The following MCC variants were observed in gnomAD, a reference collection of about 807,000 sequenced individuals.
MCC encodes the protein colorectal mutant cancer protein.
MCC carries 90 observed loss-of-function variants against 116.2 expected under a neutral mutation model. The observed-to-expected ratio is 0.77, with a 90% confidence interval of 0.65 to 0.92. The LOEUF is 0.92. MCC is among the 40% of genes least tolerant of loss of function. MCC has a pLI of 0.00. For synonymous variants in MCC, 578 were observed against 510.5 expected, an observed-to-expected ratio of 1.13 and a Z score of -1.78; for missense variants, 1,516 against 1,312.2, an observed-to-expected ratio of 1.16 and a Z score of -2.40.
chr5:113,027,556 A>ATGG, intron 18 of MCC, 74 bp from the exon 19 acceptor site: 1 of 1,353,316 alleles, frequency 7.4e-7, no homozygotes, highest in Non-Finnish European at 1.0e-6. Context: ...TGTCCACTGG[A>ATGG]TAACCAGATC....
Position 113,488,286 on chromosome 5 carries a change from G to A in MCC, c.129C>T (p.Leu43=). Residue 43 remains leucine (L), a synonymous_variant, in exon 1 of 19, where the codon CTC becomes CTT. Transcript: ENST00000408903. The part of the protein sequence containing the change: ...STGEEERMRR[L]FQTCDGDGDG... ...CCCCGTCGCCGTCGCACGTCTGGAA[G>A]AGGCGCCGCATCCTCTCCTCCTCGC... 6.3e-7 allele frequency: 1 copy of A among 1,595,506 alleles called. No homozygotes were observed.
chr5:113,399,237 G>C (rs549325189), intron 1 of MCC, among the ~76,000 whole-genome samples: 39 of 152,312 alleles, frequency 2.6e-4, no homozygotes, highest in African/African-American at 9.4e-4. Flanking sequence ...TGTAATCCCA[G>C]CACTTTGGGA....
chr5:113,335,722 A>G (rs1015595474), intron 3 of MCC, among the ~76,000 whole-genome samples: 2 of 151,638 alleles, frequency 1.3e-5, no homozygotes, highest in African/African-American at 4.9e-5. Flanking sequence ...GATTACACTG[A>G]GTTTTGCTGC....
intron 2 of MCC, among the ~76,000 whole-genome samples, chr5:113,347,402 G>T (rs1768161362): frequency 6.6e-6 from 1 of 151,028 alleles, no homozygotes; most frequent in Non-Finnish European, 1.5e-5. Context: ...GTTTGTTTAT[G>T]CAATCAGTGT....
chr5:113,389,482 C>A (rs890837476), intron 1 of MCC, among the ~76,000 whole-genome samples: 1 of 152,216 alleles, frequency 6.6e-6, no homozygotes, highest in African/African-American at 2.4e-5. Flanking sequence ...GCAGTCCTGG[C>A]AGCCTGCTCA....
intron 3 of MCC, among the ~76,000 whole-genome samples, chr5:113,297,797 G>C (rs1043485455): frequency 3.3e-5 from 5 of 151,406 alleles, no homozygotes; most frequent in Non-Finnish European, 7.4e-5. Flanking sequence ...GAAATAGGAG[G>C]GGACAGGCAG....
At chr5:113,198,037 C>G (rs375897266) in intron 3 of MCC, among the ~76,000 whole-genome samples, 1 of 152,242 alleles carries the variant, frequency 6.6e-6, no homozygotes, top group Non-Finnish European at 1.5e-5. Flanking sequence ...TGGCCAGCCA[C>G]GCTGTGAGCC....
intron 1 of MCC, among the ~76,000 whole-genome samples, chr5:113,456,893 A>C (rs972274733): frequency 5.3e-5 from 8 of 151,764 alleles, no homozygotes; most frequent in South Asian, 2.1e-4. Context: ...AGGATTTCAG[A>C]TTTTCAGATT....
At chr5:113,376,937 C>T (rs1769001408) in intron 2 of MCC, among the ~76,000 whole-genome samples, 3 of 152,108 alleles carry the variant, frequency 2.0e-5, no homozygotes, top group Non-Finnish European at 2.9e-5. Flanking sequence ...GAGACCAATT[C>T]CCAGGACTTC....
chr5:113,272,582 T>C (rs890811506), intron 3 of MCC, among the ~76,000 whole-genome samples: 1 of 152,214 alleles, frequency 6.6e-6, no homozygotes, highest in Non-Finnish European at 1.5e-5. Flanking sequence ...CAGTAATTTC[T>C]AATTATCAGG....
At chr5:113,427,877 T>C (rs1770525981) in intron 1 of MCC, among the ~76,000 whole-genome samples, 1 of 152,056 alleles carries the variant, frequency 6.6e-6, no homozygotes, top group Non-Finnish European at 1.5e-5. Flanking sequence ...CTTCATAACC[T>C]CTCTGCTAAT....
chr5:113,122,287 C>T (rs1418442355), intron 6 of MCC, among the ~76,000 whole-genome samples: 2 of 152,174 alleles, frequency 1.3e-5, no homozygotes, highest in African/African-American at 2.4e-5. Flanking sequence ...ATTTTGGATT[C>T]CTCCTTCTTG....
At chr5:113,338,170 C>A (rs1275969682) in intron 3 of MCC, among the ~76,000 whole-genome samples, 2 of 152,176 alleles carry the variant, frequency 1.3e-5, no homozygotes, top group South Asian at 4.1e-4. Context: ...ATAGTGTAAT[C>A]ATAGTCATAG....
At chr5:113,231,210 T>C (rs1763930551) in intron 3 of MCC, among the ~76,000 whole-genome samples, 1 of 152,168 alleles carries the variant, frequency 6.6e-6, no homozygotes. Context: ...CATTTCCCTA[T>C]TTCAGTGCTT....
chr5:113,031,378 G>T (rs1459163677), intron 17 of MCC, among the ~76,000 whole-genome samples: 1 of 152,094 alleles, frequency 6.6e-6, no homozygotes, highest in Non-Finnish European at 1.5e-5. Flanking sequence ...CAGTGAGGAT[G>T]GTGTTGCAGG....
Position 113,025,072 on chromosome 5 carries a change from CAG to C in MCC, c.*2228_*2229del, listed in dbSNP as rs1198122338. 1.3e-5 allele frequency: 2 copies of C among 151,748 alleles called. No individual in the cohort carries two copies. The highest frequency in any genetic ancestry group is 3.9e-4 in the East Asian group (2 of 5,160). 9.4% of individuals were successfully genotyped at this position (151,748 alleles called of 1,614,324 possible). A position where few individuals can be genotyped will look rare whatever the true frequency, so the allele number is the denominator to read the frequency against. The stretch of plus-strand genomic sequence containing the variant: ...ATTTTACCTGGAGCAAGAATGGAGA[CAG>C]AAGTCAGTAGGCAGGATTTTATTCC... On this transcript the variant is annotated 3_prime_UTR_variant, in exon 19 of 19. Coordinates refer to ENST00000408903, the MANE Select transcript of MCC (RefSeq NM_001085377.2).
chr5:113,117,603 T>A (rs552341053), intron 6 of MCC, among the ~76,000 whole-genome samples: 15 of 152,344 alleles, frequency 9.8e-5, no homozygotes, highest in African/African-American at 3.4e-4. Context: ...ACAGAATGCT[T>A]CACTGGCTGT....
chr5:113,141,295 G>A (rs1759167439), intron 5 of MCC, among the ~76,000 whole-genome samples: 1 of 152,176 alleles, frequency 6.6e-6, no homozygotes, highest in Admixed American at 6.5e-5. Context: ...CAGCTTCTCT[G>A]TTCTGAGCTT....
At position 113,024,453 on chromosome 5, in the gene MCC, G is replaced by A. The variant is rs907567033; in HGVS notation, c.*2849C>T. On this transcript the variant is annotated 3_prime_UTR_variant, in exon 19 of 19. Coordinates refer to ENST00000408903, the MANE Select transcript of MCC (RefSeq NM_001085377.2). ...GTTTTGTTTGCCTCAGTCCAACAATGGGAAATATATTCCAAGGGAACTGTG... is the reference window on the plus strand; with the variant it reads ...GTTTTGTTTGCCTCAGTCCAACAATAGGAAATATATTCCAAGGGAACTGTG... 1 of 152,148 alleles carries A rather than the reference G, an allele frequency of 6.6e-6. No homozygotes were observed. 9.4% of individuals were successfully genotyped at this position (152,148 alleles called of 1,614,324 possible). A position where few individuals can be genotyped will look rare whatever the true frequency, so the allele number is the denominator to read the frequency against.
Sources: allele counts gnomAD v4.1 joint callset (sites outside exome capture counted in the v4.1 genomes callset), GRCh38; gene constraint gnomAD v4.1.1; transcripts MANE v1.5; gene names NCBI Gene and HGNC (gene_info 2026-07-23, HGNC 2026-07-21).